Variants in LARGE1 observed in about 807,000 individuals in gnomAD.
LARGE1 encodes xylosyl- and glucuronyltransferase LARGE1.
LARGE1 carries 43 observed loss-of-function variants against 87.6 expected under a neutral mutation model. That is an observed-to-expected ratio of 0.49 (90% CI 0.38 to 0.63). LARGE1 has a LOEUF of 0.63. Ranked by LOEUF, LARGE1 falls within the 30% of genes least tolerant of loss-of-function variation. The pLI, the probability that LARGE1 is intolerant of heterozygous loss-of-function variation, is 0.00. For synonymous variants in LARGE1, 434 were observed against 394.6 expected (o/e 1.10, Z -1.18); for missense variants, 802 against 1,000.2 (o/e 0.80, Z 2.67).
chr22:33,893,052 T>G (rs544677819), intron 1 of LARGE1, among the ~76,000 whole-genome samples: 1 of 152,128 alleles, frequency 6.6e-6, no homozygotes, highest in South Asian at 2.1e-4. Flanking sequence ...AGACTAGGGG[T>G]TCAGCAGAAG....
intron 2 of LARGE1, among the ~76,000 whole-genome samples, chr22:33,665,239 T>G (rs910639469): frequency 1.3e-5 from 2 of 152,208 alleles, no homozygotes; most frequent in African/African-American, 4.8e-5. Context: ...ACTCCACAAA[T>G]CACAACACTC....
chr22:33,435,603 G>A (rs913345864), intron 6 of LARGE1, among the ~76,000 whole-genome samples: 10 of 152,072 alleles, frequency 6.6e-5, no homozygotes, highest in Admixed American at 5.2e-4. Context: ...TCAGGCACCC[G>A]CTCCCCTGTA....
chr22:33,243,494 T>C lies in LARGE1; in HGVS notation c.1730+60735A>G, dbSNP rs1451453278. Among the ~76,000 whole-genome samples the C allele has an allele frequency of 1.4e-4, 21 of 152,366 alleles. No homozygotes were observed. In the East Asian group the frequency reaches 4.1e-3, roughly 29 times the overall value. ...GAACATCAAATATTCCTTGGAATTA[T>C]ATACTTTGTAGTCTTTAATGTCAGG... On this transcript the variant is annotated intron_variant, in intron 11 of 11. Coordinates refer to the LARGE1 transcript ENST00000608642.
At chr22:33,743,374 T>A (rs553248727) in intron 2 of LARGE1, among the ~76,000 whole-genome samples, 1 of 152,228 alleles carries the variant, frequency 6.6e-6, no homozygotes, top group African/African-American at 2.4e-5. Flanking sequence ...CCCACACAGC[T>A]CTTCCCACCG....
intron 6 of LARGE1, among the ~76,000 whole-genome samples, chr22:33,524,289 C>CAAA (rs57046363): frequency 5.3e-5 from 5 of 94,776 alleles, no homozygotes; most frequent in South Asian, 3.7e-4. Context: ...AGACTCCCCT[C>CAAA]AAAAAAAAAA....
chr22:33,371,855 G>A (rs2064819728), intron 9 of LARGE1, among the ~76,000 whole-genome samples: 1 of 152,004 alleles, frequency 6.6e-6, no homozygotes, highest in Non-Finnish European at 1.5e-5. Context: ...ATGGTGGCGG[G>A]CGCCTGTAGT....
At chr22:33,377,917 A>T (rs1479292807) in intron 9 of LARGE1, among the ~76,000 whole-genome samples, 1 of 152,160 alleles carries the variant, frequency 6.6e-6, no homozygotes, top group Non-Finnish European at 1.5e-5. Context: ...ACGGCTATTC[A>T]TTTTTTGAGA....
intron 10 of LARGE1, among the ~76,000 whole-genome samples, chr22:33,321,366 A>C (rs1936694934): frequency 6.6e-6 from 1 of 152,174 alleles, no homozygotes; most frequent in Non-Finnish European, 1.5e-5. Context: ...TGATTCATAC[A>C]TATTAGAGGG....
intron 9 of LARGE1, among the ~76,000 whole-genome samples, chr22:33,363,895 T>A (rs1048766899): frequency 1.1e-4 from 17 of 149,174 alleles, no homozygotes; most frequent in African/African-American, 4.2e-4. Context: ...GATGAAGGGA[T>A]GATTCACCTC....
intron 11 of LARGE1, among the ~76,000 whole-genome samples, chr22:33,207,772 G>T (rs1404662062): frequency 2.0e-5 from 3 of 152,162 alleles, no homozygotes. Context: ...GGGCAAAGGG[G>T]ATGCCAGGCT....
chr22:33,656,784 T>C (rs1016186168), intron 2 of LARGE1, among the ~76,000 whole-genome samples: 2 of 152,146 alleles, frequency 1.3e-5, no homozygotes, highest in African/African-American at 4.8e-5. Context: ...GCTGACAACA[T>C]CATCCTCCTC....
At chr22:33,440,860 CACAG>C (rs1399263628) in intron 6 of LARGE1, among the ~76,000 whole-genome samples, 1 of 152,116 alleles carries the variant, frequency 6.6e-6, no homozygotes, top group Non-Finnish European at 1.5e-5. Context: ...ACCCTAGGAT[CACAG>C]ACAGTCAGAT....
At chr22:33,821,723 G>A (rs933765301) in intron 1 of LARGE1, among the ~76,000 whole-genome samples, 2 of 123,564 alleles carry the variant, frequency 1.6e-5, no homozygotes, top group Admixed American at 7.3e-5. Flanking sequence ...CAGCAGAAAG[G>A]TGTGTGCATG....
At position 33,683,318 on chromosome 22, in the gene LARGE1, T is replaced by G. The variant is rs541068445; in HGVS notation, c.107-32650A>C. Among the ~76,000 whole-genome samples, 11 of 152,350 alleles carry G rather than the reference T, an allele frequency of 7.2e-5. No homozygotes were observed. In the South Asian group the frequency reaches 2.3e-3, roughly 32 times the overall value. On this transcript the variant is annotated intron_variant, in intron 2 of 14. Transcript: ENST00000397394. ...AAAAAGAAACTGCCTGTCTGACAGC[T>G]GAGCTGGGACACTGGTCTTTTCTTG...
At chr22:33,858,506 C>G (rs2063822305) in intron 1 of LARGE1, among the ~76,000 whole-genome samples, 1 of 152,190 alleles carries the variant, frequency 6.6e-6, no homozygotes, top group Non-Finnish European at 1.5e-5. Flanking sequence ...AGTTGATTGG[C>G]TATTTCTTTA....
At chr22:33,158,606 A>G (rs1921935072), downstream of LARGE1, among the ~76,000 whole-genome samples, 1 of 152,246 alleles carries the variant, frequency 6.6e-6, no homozygotes, top group South Asian at 2.1e-4. Context: ...TATTCAGAAT[A>G]TAAGGAAGAG....
chr22:33,492,162 A>G (rs1345211444), intron 6 of LARGE1, among the ~76,000 whole-genome samples: 1 of 152,228 alleles, frequency 6.6e-6, no homozygotes, highest in East Asian at 1.9e-4. Flanking sequence ...GGCAGGTGAC[A>G]GATGAGCCAA....
At chr22:33,388,367 C>T (rs2065400587) in intron 7 of LARGE1, among the ~76,000 whole-genome samples, 1 of 152,192 alleles carries the variant, frequency 6.6e-6, no homozygotes, top group Non-Finnish European at 1.5e-5. Context: ...TGTCTTGAAA[C>T]ATCTTCAACT....
chr22:33,163,321 C>T (rs1456557966), exon 12 of LARGE1: 2 of 152,210 alleles, frequency 1.3e-5, no homozygotes, highest in Admixed American at 6.5e-5. Context: ...CTCTGTATTA[C>T]ATTTTAAAAT....
Sources: gnomAD v4.1 joint callset for allele counts (sites outside exome capture counted in the v4.1 genomes callset) on GRCh38, gnomAD v4.1.1 for gene constraint, MANE v1.5 for transcripts, NCBI Gene and HGNC (gene_info 2026-07-23, HGNC 2026-07-21) for gene names.